Variants in TMCO4 observed in about 807,000 individuals in gnomAD.
TMCO4 encodes the protein transmembrane and coiled-coil domains 4, also known as transmembrane and coiled-coil domain-containing protein 4.
A neutral mutation model predicts 64.7 loss-of-function variants in TMCO4; 58 were observed. The observed-to-expected ratio is 0.90, with a 90% CI of 0.73 to 1.12. The LOEUF is 1.12. Ranked by LOEUF, TMCO4 falls within the 50% of genes most tolerant of loss-of-function variation. TMCO4 has a pLI of 0.00. For synonymous variants in TMCO4, 325 were observed against 346.1 expected, an observed-to-expected ratio of 0.94 and a Z score of 0.68; for missense variants, 780 against 825.9, an observed-to-expected ratio of 0.94 and a Z score of 0.68.
chr1:19,754,542 G>C (rs904455712), intron 7 of TMCO4, among the ~76,000 whole-genome samples: 1 of 152,064 alleles, frequency 6.6e-6, no homozygotes, highest in Admixed American at 6.6e-5. Flanking sequence ...GGCTGACCTC[G>C]GGTAACCTGG....
intron 2 of TMCO4, 134 bp downstream of exon 2, chr1:19,798,003 G>GAAAAGAAAAGAAAAT: frequency 5.7e-6 from 1 of 175,716 alleles, no homozygotes; most frequent in Non-Finnish European, 1.1e-5. Flanking sequence ...GAAAAGAAAA[G>GAAAAGAAAAGAAAAT]AAAAGAAAAG....
Position 19,743,282 on chromosome 1 carries a change from G to T in TMCO4, c.877+2250C>A, listed in dbSNP as rs75792533. ...AGCCACTTCCCTGGACTGAAGTGAGGAGCTAAATGAGCCAGTGCATAGGAA... is the reference window on the plus strand; with the variant it reads ...AGCCACTTCCCTGGACTGAAGTGAGTAGCTAAATGAGCCAGTGCATAGGAA... On this transcript the variant is annotated intron_variant, in intron 10 of 15. Coordinates refer to ENST00000294543, the MANE Select transcript of TMCO4 (RefSeq NM_181719.7). This position sits in a 1 kb window ranked among gnomAD's most constrained non-coding sequence, Gnocchi z 4.1. Among the ~76,000 whole-genome samples, 3,166 of 152,150 alleles carry T rather than the reference G, an allele frequency of 0.021. 62 individuals carry two copies. The highest frequency in any genetic ancestry group is 0.032 in the Non-Finnish European group (2,185 of 67,982).
chr1:19,691,848 T>C (rs1332488890), intron 15 of TMCO4, among the ~76,000 whole-genome samples: 2 of 152,172 alleles, frequency 1.3e-5, no homozygotes, highest in African/African-American at 4.8e-5. Flanking sequence ...AATTGAATCA[T>C]AGGGGTGGTT....
At chr1:19,698,203 G>T (rs1196241066) in intron 14 of TMCO4, among the ~76,000 whole-genome samples, 1 of 152,188 alleles carries the variant, frequency 6.6e-6, no homozygotes, top group Non-Finnish European at 1.5e-5. Context: ...TGTGGGCAGG[G>T]GTCCTCCCTG....
intron 4 of TMCO4, among the ~76,000 whole-genome samples, chr1:19,773,329 G>A (rs1570983016): frequency 1.3e-5 from 2 of 152,228 alleles, no homozygotes; most frequent in East Asian, 1.9e-4. Flanking sequence ...GAGGAAGCAG[G>A]GTTGGGCAGA....
intron 4 of TMCO4, among the ~76,000 whole-genome samples, chr1:19,777,175 T>A (rs1195041523): frequency 6.6e-6 from 1 of 152,082 alleles, no homozygotes; most frequent in Non-Finnish European, 1.5e-5. Context: ...TCGGGGTATT[T>A]TGGGAAAGAT....
At chr1:19,764,057 C>A (rs56263412) in intron 6 of TMCO4, among the ~76,000 whole-genome samples, 18,606 of 152,178 alleles carry the variant, frequency 0.12, 1,256 homozygotes, top group Non-Finnish European at 0.14. Flanking sequence ...CTTCTGAGAC[C>A]CTCCCATCTC....
At chr1:19,748,241 G>T (rs1217745868) in intron 7 of TMCO4, among the ~76,000 whole-genome samples, 2 of 152,192 alleles carry the variant, frequency 1.3e-5, no homozygotes, top group African/African-American at 4.8e-5. Flanking sequence ...GCGCAACTGG[G>T]GCTGATGTCA....
intron 4 of TMCO4, 113 bp from the exon 5 acceptor site, chr1:19,771,595 T>C (rs2042986029): frequency 9.6e-7 from 1 of 1,041,232 alleles, no homozygotes; most frequent in African/African-American, 1.6e-5. Context: ...CCTGACTTAC[T>C]GACTGTGATC....
At chr1:19,798,490 G>A (rs1032156560) in intron 1 of TMCO4, among the ~76,000 whole-genome samples, 2 of 152,200 alleles carry the variant, frequency 1.3e-5, no homozygotes, top group Non-Finnish European at 2.9e-5. Flanking sequence ...CTCCCAAAGT[G>A]TCAGATACTG....
At chr1:19,737,125 A>G (rs1016645832) in intron 13 of TMCO4, among the ~76,000 whole-genome samples, 2 of 152,244 alleles carry the variant, frequency 1.3e-5, no homozygotes, top group African/African-American at 4.8e-5. Flanking sequence ...AGTGCATTAG[A>G]ACACAAAAGC....
chr1:19,792,307 G>C (rs1480077523), intron 2 of TMCO4, among the ~76,000 whole-genome samples: 3 of 152,216 alleles, frequency 2.0e-5, no homozygotes, highest in African/African-American at 7.2e-5. Context: ...CGGCTGCACA[G>C]CCCAGACCTG....
At chr1:19,758,788 C>T (rs970058179) in intron 6 of TMCO4, among the ~76,000 whole-genome samples, 2 of 152,170 alleles carry the variant, frequency 1.3e-5, no homozygotes, top group African/African-American at 4.8e-5. Flanking sequence ...CCTTGAGAGC[C>T]TGTCCCAATG....
At chr1:19,787,714 C>A (rs2043815362) in intron 2 of TMCO4, among the ~76,000 whole-genome samples, 1 of 152,168 alleles carries the variant, frequency 6.6e-6, no homozygotes, top group Non-Finnish European at 1.5e-5. Context: ...AAAACCAAAA[C>A]CTCAACTAAT....
chr1:19,748,009 G>A (rs191750325), intron 7 of TMCO4, among the ~76,000 whole-genome samples: 1 of 152,166 alleles, frequency 6.6e-6, no homozygotes, highest in African/African-American at 2.4e-5. Context: ...GATAATCAAA[G>A]AAGAAAAATG....
rs1253878904 is a variant in TMCO4 at position 19,700,826 on chromosome 1, T to C, written c.1324A>G (p.Lys442Glu). 3 of 1,614,110 alleles carry C rather than the reference T, an allele frequency of 1.9e-6. No homozygotes were observed. Among genetic ancestry groups the C allele is most frequent in the South Asian group, 2.2e-5 (2 of 91,088 alleles). The change falls in exon 14 of 16, where the codon AAG (lysine) becomes GAG (glutamate). Residue 442 changes from lysine (K) to glutamate (E), a missense_variant. By Grantham distance (56) the Lys-to-Glu change is moderately conservative (BLOSUM62 1). Transcript: ENST00000294543. ...ACCTTCCGGAAAGGCTCCCAATGCT[T>C]GGCTTCTCCCTCCACAGGCGCACCC... ...LLGAPVEGEAKHWEPFRKVVS... is the reference protein window; with the variant it reads ...LLGAPVEGEAEHWEPFRKVVS...
chr1:19,711,663 CTT>C (rs1231836042), intron 13 of TMCO4, among the ~76,000 whole-genome samples: 4 of 143,304 alleles, frequency 2.8e-5, no homozygotes. Flanking sequence ...TAATTTTTTG[CTT>C]TTTTTTTTTG....
At chr1:19,683,499 C>T in intron 15 of TMCO4, 55 bp from the exon 16 acceptor site, 1 of 1,583,094 alleles carries the variant, frequency 6.3e-7, no homozygotes, top group Non-Finnish European at 8.6e-7. Context: ...CAGCCCTCCC[C>T]AGGGACCTCC....
rs903304273 is a variant in TMCO4 at position 19,734,722 on chromosome 1, G to A, written c.1264+2650C>T. On this transcript the variant is annotated intron_variant, in intron 13 of 15. Coordinates refer to ENST00000294543, the MANE Select transcript of TMCO4 (RefSeq NM_181719.7). This position sits in a 1 kb window ranked among gnomAD's most constrained non-coding sequence, Gnocchi z 4.4. ...TGGAATGCCCTGCCCTAGTCCAGCT[G>A]CCGTCTGCCAAATACAGCATAGTGG... Among the ~76,000 whole-genome samples, 10 of 152,136 alleles carry A rather than the reference G, an allele frequency of 6.6e-5. No individual in the cohort carries two copies. Among genetic ancestry groups the A allele is most frequent in the African/African-American group, 2.4e-4 (10 of 41,436 alleles).
Sources: allele counts gnomAD v4.1 joint callset (sites outside exome capture counted in the v4.1 genomes callset), GRCh38; gene constraint gnomAD v4.1.1; non-coding constraint Gnocchi (gnomAD v3.1); transcripts MANE v1.5; gene names NCBI Gene and HGNC (gene_info 2026-07-23, HGNC 2026-07-21).